The following TMPRSS9 variants were observed in gnomAD, a reference collection of about 807,000 sequenced individuals.
TMPRSS9 encodes transmembrane protease serine 9.
A neutral mutation model predicts 111.4 loss-of-function variants in TMPRSS9; 113 were observed. The ratio of observed to expected loss-of-function variants is 1.01; its 90% CI spans 0.87 to 1.19. The LOEUF is 1.19. Ranked by LOEUF, TMPRSS9 falls within the 50% of genes most tolerant of loss-of-function variation. The probability of loss-of-function intolerance (pLI) is 0.00; values close to 1 mark genes in which losing one functional copy is unlikely to be tolerated. For synonymous variants in TMPRSS9, 805 were observed against 659.1 expected (o/e 1.22, Z -3.39); for missense variants, 1,803 against 1,513.1 (o/e 1.19, Z -3.18).
intron 1 of TMPRSS9, among the ~76,000 whole-genome samples, chr19:2,392,780 G>A (rs1266876113): frequency 6.6e-6 from 1 of 152,130 alleles, no homozygotes; most frequent in Non-Finnish European, 1.5e-5. Context: ...TCAGTGCTCT[G>A]TGTCTAGCTA....
chr19:2,397,789 G>A (rs901333870), intron 2 of TMPRSS9, among the ~76,000 whole-genome samples: 1 of 151,472 alleles, frequency 6.6e-6, no homozygotes, highest in African/African-American at 2.4e-5. Flanking sequence ...GCGTGGTGGT[G>A]TGTGCCTGTA....
Position 2,379,615 on chromosome 19 carries a change from CTCTTTCTTTCTT to C in TMPRSS9, c.-25-10094_-25-10083del, listed in dbSNP as rs34251969. Among the ~76,000 whole-genome samples, 976 of 118,606 alleles carry C rather than the reference CTCTTTCTTTCTT, an allele frequency of 8.2e-3. 4 individuals carry two copies. The highest frequency in any genetic ancestry group is 0.017 in the East Asian group (64 of 3,802). 77.8% of individuals were successfully genotyped at this position (118,606 alleles called of 152,430 possible). A position where few individuals can be genotyped will look rare whatever the true frequency, so the allele number is the denominator to read the frequency against. ...GACATTCCCTAAACTAACTTTCTTT[CTCTTTCTTTCTT>C]TCTTTCTTTCTTTCTTTCTTTCTTT... On this transcript the variant is annotated intron_variant, in intron 1 of 17. Coordinates refer to the TMPRSS9 transcript ENST00000649857.
At chr19:2,372,450 G>T (rs925390495) in intron 1 of TMPRSS9, among the ~76,000 whole-genome samples, 1 of 151,966 alleles carries the variant, frequency 6.6e-6, no homozygotes, top group African/African-American at 2.4e-5. Flanking sequence ...GCCCACTCTT[G>T]TTTCTCGAAA....
At position 2,399,208 on chromosome 19, in the gene TMPRSS9, G is replaced by T; in HGVS notation, c.514+15G>T. 2 of 1,570,956 alleles carry T rather than the reference G, an allele frequency of 1.3e-6. No individual in the cohort carries two copies. The highest frequency in any genetic ancestry group is 1.2e-5 in the South Asian group (1 of 84,508). On this transcript the variant is annotated intron_variant, in intron 4 of 17. Transcript: ENST00000648592. ...TGAGCTCACAGGTGAGTGGGCAGCC[G>T]AGACCGAAACCCCATCACGAGGAGG...
chr19:2,392,334 A>C (rs1206549219), intron 1 of TMPRSS9, among the ~76,000 whole-genome samples: 1 of 151,296 alleles, frequency 6.6e-6, no homozygotes, highest in African/African-American at 2.4e-5. Context: ...TGGAGCCTGC[A>C]GTGAGCTATG....
intron 1 of TMPRSS9, among the ~76,000 whole-genome samples, chr19:2,363,847 T>TGGGA (rs376225590): frequency 1.3e-4 from 3 of 22,308 alleles, no homozygotes; most frequent in East Asian, 1.5e-3. Flanking sequence ...AGAGTGAGAG[T>TGGGA]GGGAGGGAGG....
chr19:2,417,504 C>T (rs181105782), intron 12 of TMPRSS9, among the ~76,000 whole-genome samples: 15 of 151,092 alleles, frequency 9.9e-5, no homozygotes, highest in Non-Finnish European at 1.3e-4. Context: ...AAAAATTAGC[C>T]GAGTATGGTG....
intron 7 of TMPRSS9, among the ~76,000 whole-genome samples, chr19:2,406,265 A>C (rs78814454): frequency 0.047 from 6,444 of 137,670 alleles, 316 homozygotes; most frequent in East Asian, 0.27. Flanking sequence ...TGATCCGCCC[A>C]CCTCGGCCTC....
chr19:2,402,022 T>G lies in TMPRSS9; in HGVS notation c.556+6T>G, dbSNP rs528899154. 4.3e-6 allele frequency: 7 copies of G among 1,610,692 alleles called. No homozygotes were observed. The African/African-American group carries it at 8.0e-5, about 18-fold the overall frequency. On this transcript the variant is annotated splice_donor_region_variant and intron_variant, in intron 5 of 17. Coordinates refer to ENST00000648592, the Ensembl canonical transcript of TMPRSS9. Reference sequence around the variant, plus strand: ...AGAAAGAGACTTCAAATCAGGTATGTTTTTCTCTCTGGCCTTTTCTCTGAT... The same window carrying G: ...AGAAAGAGACTTCAAATCAGGTATGGTTTTCTCTCTGGCCTTTTCTCTGAT...
chr19:2,406,615 G>A (rs967487691), intron 7 of TMPRSS9, among the ~76,000 whole-genome samples: 3 of 151,300 alleles, frequency 2.0e-5, no homozygotes, highest in Non-Finnish European at 4.4e-5. Flanking sequence ...GATTACAGGC[G>A]TGAGCCACCG....
chr19:2,390,066 C>A, intron 1 of TMPRSS9, 139 bp downstream of exon 2: 1 of 1,115,448 alleles, frequency 9.0e-7, no homozygotes, highest in Non-Finnish European at 1.3e-6. Context: ...CTGCCCTAGG[C>A]CAGGCGGGTG....
chr19:2,411,687 A>G (rs12611269), intron 9 of TMPRSS9, among the ~76,000 whole-genome samples: 14,091 of 152,058 alleles, frequency 0.093, 934 homozygotes, highest in East Asian at 0.26. Flanking sequence ...GAGTAGCTGG[A>G]ATAACAGGTG....
At chr19:2,417,184 G>A (rs546868908) in intron 12 of TMPRSS9, among the ~76,000 whole-genome samples, 12 of 152,150 alleles carry the variant, frequency 7.9e-5, no homozygotes, top group African/African-American at 2.4e-4. Flanking sequence ...GTTTGCCGGC[G>A]GCCACATGTG....
intron 4 of TMPRSS9, among the ~76,000 whole-genome samples, chr19:2,400,263 C>T (rs554890593): frequency 1.2e-3 from 190 of 152,178 alleles, no homozygotes; most frequent in Non-Finnish European, 2.1e-3. Context: ...TATGGAAGGC[C>T]GGGTGTGGTG....
chr19:2,387,085 A>G (rs1384022824), upstream of TMPRSS9, among the ~76,000 whole-genome samples: 2 of 151,842 alleles, frequency 1.3e-5, no homozygotes, highest in African/African-American at 2.4e-5. Context: ...GGCCGGGTGC[A>G]GTGGCTCACG....
chr19:2,421,838 TTTCC>T lies in TMPRSS9; in HGVS notation c.2155-9_2155-6del. The T allele has an allele frequency of 1.3e-6, 2 of 1,577,386 alleles. No individual in the cohort carries two copies. The highest frequency in any genetic ancestry group is 1.7e-6 in the Non-Finnish European group (2 of 1,161,136). ...GTCCCTGGAGGACCAACCAGTGCTC[TTTCC>T]TTCCTTTCTAGGGTGACTCTGGGGG... On this transcript the variant is annotated splice_polypyrimidine_tract_variant and intron_variant, in intron 13 of 17. Transcript: ENST00000648592.
chr19:2,401,893 C>A, intron 4 of TMPRSS9, 82 bp from the exon 6 acceptor site: 1 of 1,236,274 alleles, frequency 8.1e-7, no homozygotes, highest in Non-Finnish European at 1.1e-6. Context: ...CAGGTGTGAG[C>A]CACCGCGCCC....
chr19:2,418,046 G>A (rs1322378762), exon 13 of TMPRSS9: 1 of 1,612,340 alleles, frequency 6.2e-7, no homozygotes, highest in Non-Finnish European at 8.5e-7. Context: ...GGGCATCATA[G>A]ACCAGAAAAC....
At chr19:2,386,063 G>A (rs985028483), upstream of TMPRSS9, among the ~76,000 whole-genome samples, 1 of 152,146 alleles carries the variant, frequency 6.6e-6, no homozygotes, top group East Asian at 1.9e-4. Flanking sequence ...TCCCACCTCA[G>A]CCTTCTGAGT....
Sources: allele counts gnomAD v4.1 joint callset (sites outside exome capture counted in the v4.1 genomes callset), GRCh38; gene constraint gnomAD v4.1.1; transcripts MANE v1.5; gene names NCBI Gene and HGNC (gene_info 2026-07-23, HGNC 2026-07-21).